Variants in RTN1 observed in about 807,000 individuals in gnomAD.
The protein encoded by RTN1 is reticulon-1.
In RTN1, 25 loss-of-function variants were observed where a neutral mutation model predicts 65.5. That is an observed-to-expected ratio of 0.38 (90% CI 0.28 to 0.53). The LOEUF (loss-of-function observed/expected upper bound fraction) is 0.53, where lower values mean the gene tolerates loss of function less well. RTN1 is among the 20% of genes least tolerant of loss of function. The probability of loss-of-function intolerance (pLI) is 0.79; values close to 1 mark genes in which losing one functional copy is unlikely to be tolerated. For missense variants in RTN1, 983 were observed against 1,025.4 expected (o/e 0.96, Z 0.57); for synonymous variants, 471 against 447.6 (o/e 1.05, Z -0.66).
chr14:59,636,304 C>T (rs1882663802), intron 3 of RTN1, among the ~76,000 whole-genome samples: 2 of 152,076 alleles, frequency 1.3e-5, no homozygotes, highest in Admixed American at 6.6e-5. Context: ...GGTTTTCACT[C>T]AGTTCATATG....
intron 1 of RTN1, among the ~76,000 whole-genome samples, chr14:59,851,771 C>T (rs370862962): frequency 2.7e-5 from 4 of 150,818 alleles, no homozygotes; most frequent in East Asian, 2.0e-4. Flanking sequence ...GCAAGGGAAT[C>T]GCTTGAACCT....
intron 3 of RTN1, among the ~76,000 whole-genome samples, chr14:59,617,462 T>A (rs1402497726): frequency 6.6e-6 from 1 of 152,236 alleles, no homozygotes; most frequent in Non-Finnish European, 1.5e-5. Context: ...TTACTCTTGC[T>A]GTACTTTATG....
chr14:59,669,387 T>G (rs1159664297), intron 3 of RTN1, among the ~76,000 whole-genome samples: 1 of 151,622 alleles, frequency 6.6e-6, no homozygotes, highest in African/African-American at 2.4e-5. Context: ...TTCTCACTCA[T>G]AGATGGGAAT....
intron 1 of RTN1, among the ~76,000 whole-genome samples, chr14:59,791,966 G>A (rs1307578593): frequency 6.6e-6 from 1 of 151,960 alleles, no homozygotes; most frequent in Non-Finnish European, 1.5e-5. Flanking sequence ...AGGAGGAATG[G>A]GAGACTTCTT....
intron 1 of RTN1, among the ~76,000 whole-genome samples, chr14:59,749,103 TATATATATATATATATATATAG>T (rs1885294607): frequency 4.2e-5 from 2 of 47,124 alleles, no homozygotes; most frequent in African/African-American, 1.9e-4. Flanking sequence ...TATATATATC[TATATATATATATATATATATAG>T]ATATATCTAT....
At chr14:59,631,357 C>A (rs146755146) in intron 3 of RTN1, among the ~76,000 whole-genome samples, 1 of 152,278 alleles carries the variant, frequency 6.6e-6, no homozygotes, top group African/African-American at 2.4e-5. Flanking sequence ...TTGGTCAATG[C>A]AGTGACAATC....
chr14:59,699,309 G>T (rs1011462486), intron 3 of RTN1, among the ~76,000 whole-genome samples: 2 of 151,800 alleles, frequency 1.3e-5, no homozygotes, highest in Non-Finnish European at 2.9e-5. Flanking sequence ...AAAAACAAAA[G>T]TTAATAAAGA....
At chr14:59,754,251 A>C (rs895382731) in intron 1 of RTN1, among the ~76,000 whole-genome samples, 5 of 152,198 alleles carry the variant, frequency 3.3e-5, no homozygotes, top group Non-Finnish European at 7.3e-5. Flanking sequence ...AGAGGTCAGA[A>C]ACACTCATCA....
chr14:59,654,225 A>G (rs1157285301), intron 3 of RTN1, among the ~76,000 whole-genome samples: 1 of 152,174 alleles, frequency 6.6e-6, no homozygotes, highest in Non-Finnish European at 1.5e-5. Context: ...CGGGAGTTCG[A>G]GAACAGCCTG....
At chr14:59,866,939 C>T (rs1453226673) in intron 1 of RTN1, among the ~76,000 whole-genome samples, 1 of 152,174 alleles carries the variant, frequency 6.6e-6, no homozygotes, top group Admixed American at 6.5e-5. Flanking sequence ...AAAATGAGGA[C>T]ATATAAACAA....
intron 1 of RTN1, among the ~76,000 whole-genome samples, chr14:59,811,697 A>G (rs569538818): frequency 6.2e-4 from 95 of 152,330 alleles, no homozygotes; most frequent in Non-Finnish European, 1.2e-3. Flanking sequence ...AGTATAAGTT[A>G]TACAATGTGG....
intron 3 of RTN1, among the ~76,000 whole-genome samples, chr14:59,610,864 T>C (rs1881926235): frequency 6.6e-6 from 1 of 152,242 alleles, no homozygotes; most frequent in Admixed American, 6.5e-5. Context: ...CTGCACTTGA[T>C]GAATAAGCTG....
rs1188118096 is a variant in RTN1, at chr14:59,816,275, TG to T, written c.241+54114del. 3.9e-5 allele frequency among the ~76,000 whole-genome samples: 6 copies of T among 152,268 alleles called. No individual in the cohort carries two copies. The highest frequency in any genetic ancestry group is 1.4e-4 in the African/African-American group (6 of 41,552). ...AGTTACTCAGGTGATTAATGAATGC[TG>T]ATACAGACCTTTAGTAAAGAACAAA... On this transcript the variant is annotated intron_variant, in intron 1 of 8. Coordinates refer to ENST00000267484, the MANE Select transcript of RTN1 (RefSeq NM_021136.3). This position sits in a 1 kb window ranked among gnomAD's most constrained non-coding sequence, Gnocchi z 4.3.
intron 3 of RTN1, among the ~76,000 whole-genome samples, chr14:59,721,650 T>A (rs995111832): frequency 1.3e-5 from 2 of 152,212 alleles, no homozygotes; most frequent in Non-Finnish European, 2.9e-5. Context: ...AAAGAAATAT[T>A]TCTCAATCTG....
chr14:59,760,555 G>A (rs946610157), intron 1 of RTN1, among the ~76,000 whole-genome samples: 2 of 152,212 alleles, frequency 1.3e-5, no homozygotes, highest in African/African-American at 4.8e-5. Context: ...GATAGTAAGA[G>A]TGTTGCACAA....
intron 1 of RTN1, among the ~76,000 whole-genome samples, chr14:59,786,133 T>C (rs1886245881): frequency 6.6e-6 from 1 of 152,122 alleles, no homozygotes; most frequent in South Asian, 2.1e-4. Flanking sequence ...ACAGGCAGCA[T>C]AGAGTAGAAG....
intron 3 of RTN1, among the ~76,000 whole-genome samples, chr14:59,719,816 C>T (rs762293802): frequency 1.3e-5 from 2 of 152,134 alleles, no homozygotes; most frequent in South Asian, 4.2e-4. Flanking sequence ...TGAATTATGT[C>T]TTCCAAACTC....
intron 3 of RTN1, among the ~76,000 whole-genome samples, chr14:59,624,933 C>T (rs1043742138): frequency 6.6e-6 from 1 of 152,146 alleles, no homozygotes; most frequent in Non-Finnish European, 1.5e-5. Flanking sequence ...CATAATAGAT[C>T]TGGTTTTCTT....
At chr14:59,802,635 T>A (rs146536038) in intron 1 of RTN1, among the ~76,000 whole-genome samples, 1 of 152,306 alleles carries the variant, frequency 6.6e-6, no homozygotes, top group African/African-American at 2.4e-5. Context: ...TATTTAGCAG[T>A]TAAGATTTTC....
Sources: allele counts gnomAD v4.1 joint callset (sites outside exome capture counted in the v4.1 genomes callset), GRCh38; gene constraint gnomAD v4.1.1; non-coding constraint Gnocchi (gnomAD v3.1); transcripts MANE v1.5; gene names NCBI Gene and HGNC (gene_info 2026-07-23, HGNC 2026-07-21).